Variants in DPYD observed in about 807,000 individuals in gnomAD.
DPYD encodes dihydropyrimidine dehydrogenase [NADP(+)].
DPYD carries 109 observed loss-of-function variants against 116.2 expected under a neutral mutation model. The ratio of observed to expected loss-of-function variants is 0.94; its 90% confidence interval spans 0.80 to 1.10. The LOEUF (loss-of-function observed/expected upper bound fraction) is 1.10. Among genes scored for constraint, DPYD ranks in the 50% least tolerant of loss-of-function variants. The probability of loss-of-function intolerance (pLI) is 0.00; values close to 1 mark genes in which losing one functional copy is unlikely to be tolerated. For missense variants in DPYD, 1,302 were observed against 1,254.5 expected, an observed-to-expected ratio of 1.04 and a Z score of -0.57; for synonymous variants, 440 against 432.0, an observed-to-expected ratio of 1.02 and a Z score of -0.23.
At chr1:97,782,044 G>A (rs534338332) in intron 3 of DPYD, among the ~76,000 whole-genome samples, 11 of 152,240 alleles carry the variant, frequency 7.2e-5, no homozygotes, top group African/African-American at 2.2e-4. Flanking sequence ...CTCTTAGACC[G>A]AAAAGTGCAA....
chr1:97,362,359 T>C (rs575385865), intron 16 of DPYD, among the ~76,000 whole-genome samples: 5 of 152,220 alleles, frequency 3.3e-5, no homozygotes, highest in Admixed American at 2.0e-4. Context: ...ATCAATATCG[T>C]GAAAATGGCC....
At chr1:97,079,580 G>A (rs932806131) in intron 22 of DPYD, among the ~76,000 whole-genome samples, 9 of 152,212 alleles carry the variant, frequency 5.9e-5, no homozygotes, top group African/African-American at 2.2e-4. Context: ...AGATTCTGAG[G>A]CAATGAATAC....
chr1:97,563,599 A>G (rs1652319736), intron 11 of DPYD, among the ~76,000 whole-genome samples: 1 of 152,238 alleles, frequency 6.6e-6, no homozygotes, highest in African/African-American at 2.4e-5. Context: ...GATATCAACC[A>G]GTAGTGAAAC....
intron 3 of DPYD, among the ~76,000 whole-genome samples, chr1:97,814,004 G>A (rs1010221137): frequency 6.6e-6 from 1 of 151,784 alleles, no homozygotes; most frequent in African/African-American, 2.4e-5. Context: ...GAATGAGTCT[G>A]GGTTCAAATT....
chr1:97,280,211 T>G (rs1483245647), intron 18 of DPYD: 1 of 152,072 alleles, frequency 6.6e-6, no homozygotes, highest in African/African-American at 2.4e-5. Flanking sequence ...TCAGAAGTCT[T>G]TTTTTTTACA....
chr1:97,568,461 T>A (rs1039233373), intron 11 of DPYD, among the ~76,000 whole-genome samples: 4 of 152,004 alleles, frequency 2.6e-5, no homozygotes, highest in Non-Finnish European at 4.4e-5. Flanking sequence ...CCTTACAGCA[T>A]GAGGACCATG....
intron 1 of DPYD, among the ~76,000 whole-genome samples, chr1:97,885,544 T>C (rs1672441099): frequency 6.6e-6 from 1 of 152,110 alleles, no homozygotes. Flanking sequence ...AGTCACTTCA[T>C]TTCATTCTGC....
intron 8 of DPYD, among the ~76,000 whole-genome samples, chr1:97,598,796 C>T (rs923327861): frequency 2.6e-5 from 4 of 152,034 alleles, no homozygotes; most frequent in African/African-American, 7.3e-5. Flanking sequence ...TGTTATTATC[C>T]ACATTTTAAA....
chr1:97,866,202 C>A (rs1423598781), intron 2 of DPYD, among the ~76,000 whole-genome samples: 1 of 151,944 alleles, frequency 6.6e-6, no homozygotes, highest in African/African-American at 2.4e-5. Flanking sequence ...TTGCCATAGA[C>A]TTTGAAGTGG....
At position 97,253,537 on chromosome 1, in the gene DPYD, C is replaced by T. The variant is rs1001391097; in HGVS notation, c.2300-18543G>A. On this transcript the variant is annotated intron_variant, in intron 18 of 22. Coordinates refer to ENST00000370192, the MANE Select transcript of DPYD (RefSeq NM_000110.4). ...AGTGTTTCCCTTTAATTTCCCTTCT[C>T]GTGGCATCGTTCCCTTGTGCCATTC... Among the ~76,000 whole-genome samples the T allele has an allele frequency of 4.6e-5, 7 of 152,102 alleles. No homozygotes were observed. In the East Asian group the frequency reaches 7.7e-4, roughly 17 times the overall value.
intron 13 of DPYD, among the ~76,000 whole-genome samples, chr1:97,486,886 C>T (rs368997928): frequency 6.6e-6 from 1 of 151,666 alleles, no homozygotes; most frequent in Non-Finnish European, 1.5e-5. Context: ...AAGTTATCAA[C>T]TTGTTTATTT....
intron 13 of DPYD, among the ~76,000 whole-genome samples, chr1:97,466,382 T>C (rs1414588992): frequency 6.6e-6 from 1 of 152,170 alleles, no homozygotes. Context: ...TGGTGGCAGT[T>C]TTCTTTTCGG....
chr1:97,650,682 CA>C (rs1658530577), intron 8 of DPYD, among the ~76,000 whole-genome samples: 1 of 151,928 alleles, frequency 6.6e-6, no homozygotes, highest in Admixed American at 6.6e-5. Flanking sequence ...TCATAAACCA[CA>C]AAAGAAGGAA....
At chr1:97,587,839 G>A (rs201237031) in intron 10 of DPYD, among the ~76,000 whole-genome samples, 676 of 119,868 alleles carry the variant, frequency 5.6e-3, no homozygotes, top group Middle Eastern at 8.5e-3. Context: ...AAAAAAAAAA[G>A]AAAAAAAAAA....
At chr1:97,565,924 G>A (rs1177933228) in intron 11 of DPYD, among the ~76,000 whole-genome samples, 1 of 152,168 alleles carries the variant, frequency 6.6e-6, no homozygotes, top group Non-Finnish European at 1.5e-5. Flanking sequence ...GAACATGCAT[G>A]AAGTAAGTAG....
At chr1:97,635,970 T>A (rs540942122) in intron 8 of DPYD, among the ~76,000 whole-genome samples, 1 of 152,084 alleles carries the variant, frequency 6.6e-6, no homozygotes, top group African/African-American at 2.4e-5. Flanking sequence ...TAGGCATGCA[T>A]CACCATGCCC....
At chr1:97,103,302 G>C (rs1292814387) in intron 20 of DPYD, among the ~76,000 whole-genome samples, 1 of 152,036 alleles carries the variant, frequency 6.6e-6, no homozygotes, top group Non-Finnish European at 1.5e-5. Context: ...ATCAGTTTTA[G>C]CATGGTTTAG....
intron 8 of DPYD, among the ~76,000 whole-genome samples, chr1:97,672,657 A>T (rs1048106253): frequency 2.0e-5 from 3 of 152,198 alleles, no homozygotes; most frequent in Non-Finnish European, 4.4e-5. Context: ...CAAATGGTCT[A>T]AAAACTTAAT....
At chr1:97,455,923 T>G (rs1310490801) in intron 13 of DPYD, among the ~76,000 whole-genome samples, 6 of 151,984 alleles carry the variant, frequency 3.9e-5, no homozygotes, top group Non-Finnish European at 7.4e-5. Flanking sequence ...TGCCCTTTTG[T>G]CATCAGGAAC....
Sources: allele counts gnomAD v4.1 joint callset (sites outside exome capture counted in the v4.1 genomes callset), GRCh38; gene constraint gnomAD v4.1.1; transcripts MANE v1.5; gene names NCBI Gene and HGNC (gene_info 2026-07-23, HGNC 2026-07-21).